Variants in AARD observed in about 807,000 individuals in gnomAD.
AARD encodes alanine- and arginine-rich domain-containing protein.
In AARD, 9 loss-of-function variants were observed where a neutral mutation model predicts 9.3. The ratio of observed to expected loss-of-function variants is 0.97; its 90% CI spans 0.58 to 1.69. The LOEUF (loss-of-function observed/expected upper bound fraction) is 1.69, where lower values mean the gene tolerates loss of function less well. AARD is among the 40% of genes most tolerant of loss of function. The pLI is 0.00. For missense variants in AARD, 236 were observed against 210.3 expected (o/e 1.12, Z -0.76); for synonymous variants, 91 against 93.8 (o/e 0.97, Z 0.17).
intron 1 of AARD, among the ~76,000 whole-genome samples, chr8:116,942,345 T>C (rs1813753819): frequency 6.6e-6 from 1 of 152,228 alleles, no homozygotes; most frequent in Non-Finnish European, 1.5e-5. Context: ...TCAAAAACTA[T>C]TTATATATCT....
rs756615368 is a variant in AARD at position 116,939,113 on chromosome 8, TA to T, written c.324+548del. 3.7e-4 allele frequency among the ~76,000 whole-genome samples: 56 copies of T among 152,314 alleles called. 1 individual carries two copies. The highest frequency in any genetic ancestry group is 2.0e-3 in the Admixed American group (30 of 15,298). ...AATATTTTAGCTGACTGATTTTTTTTAATTCAAAAAACTGGAAATTAGTCAC... is the reference window on the plus strand; with the variant it reads ...AATATTTTAGCTGACTGATTTTTTTTATTCAAAAAACTGGAAATTAGTCAC... On this transcript the variant is annotated intron_variant, in intron 1 of 1. Coordinates refer to ENST00000378279, the MANE Select transcript of AARD (RefSeq NM_001025357.3).
At chr8:116,938,877 A>G (rs939887434) in intron 1 of AARD, among the ~76,000 whole-genome samples, 1 of 152,098 alleles carries the variant, frequency 6.6e-6, no homozygotes. Flanking sequence ...TGGCTCGCGG[A>G]GGAGGAAATT....
chr8:116,942,255 A>G (rs1463548284), intron 1 of AARD, among the ~76,000 whole-genome samples: 1 of 152,212 alleles, frequency 6.6e-6, no homozygotes, highest in Non-Finnish European at 1.5e-5. Flanking sequence ...CTATTCCTTG[A>G]AAACAGCCTT....
rs368849597 is a variant in AARD at position 116,942,672 on chromosome 8, C to G, written c.439C>G (p.Pro147Ala). 6.2e-7 allele frequency: 1 copy of G among 1,613,762 alleles called. No homozygotes were observed. Among genetic ancestry groups the G allele is most frequent in the Non-Finnish European group, 8.5e-7 (1 of 1,179,902 alleles). ...ELEITSDSQS[P>A]KDDAANPE is the part of the protein sequence containing the mutation. ...GGAAATTACATCAGACTCCCAAAGC[C>G]CAAAAGATGATGCTGCGAATCCGGA... is the stretch of plus-strand genomic sequence containing the variant. The change falls in exon 2 of 2, where the codon CCA becomes GCA. Residue 147 changes from proline to alanine, a missense_variant. Transcript: ENST00000378279.
At position 116,944,099 on chromosome 8, in the gene AARD, G is replaced by C. The variant is rs1039821706; in HGVS notation, c.*1398G>C. The C allele has an allele frequency of 6.6e-6, 1 of 152,156 alleles. No homozygotes were observed. Among genetic ancestry groups the C allele is most frequent in the Non-Finnish European group, 1.5e-5 (1 of 68,026 alleles). 9.4% of individuals were successfully genotyped at this position (152,156 alleles called of 1,614,324 possible). ...TAAACTATAAAAATCAGTTCTTGAA[G>C]ACAAAGGAGAACAGAAGAGACACAG... On this transcript the variant is annotated 3_prime_UTR_variant, in exon 2 of 2. Transcript: ENST00000378279.
In AARD at chr8:116,938,442, T is replaced by C; in HGVS notation, c.199T>C (p.Phe67Leu). ...CCTCAGACGACGGCTGACGCGCGCC[T>C]TCCAGTGGGCGGTGCAGCGCGCGAT... ...EDLRRRLTRA[F>L]QWAVQRAISR... Residue 67 changes from phenylalanine (F) to leucine (L), a missense_variant, in exon 1 of 2, where the codon TTC (phenylalanine) becomes CTC (leucine). Phe to Leu is a conservative substitution (Grantham distance 22). Coordinates refer to ENST00000378279, the MANE Select transcript of AARD (RefSeq NM_001025357.3). The C allele has an allele frequency of 6.2e-7, 1 of 1,607,594 alleles. No individual in the cohort carries two copies. Among genetic ancestry groups the C allele is most frequent in the Non-Finnish European group, 8.5e-7 (1 of 1,177,778 alleles).
intron 1 of AARD, among the ~76,000 whole-genome samples, chr8:116,939,352 G>T (rs944234020): frequency 1.3e-5 from 2 of 152,158 alleles, no homozygotes; most frequent in African/African-American, 4.8e-5. Flanking sequence ...ACAGTATTAG[G>T]CCGGAGCTGT....
In AARD at chr8:116,938,485, A is replaced by AGGAGGCGGCGGCGGCGGCGGCGGC. The variant is rs777722026; in HGVS notation, c.244_245insAGGCGGCGGCGGCGGCGGCGGCGG (p.Glu81_Ala82insGluAlaAlaAlaAlaAlaAlaAla). On this transcript the variant is annotated inframe_insertion, in exon 1 of 2. Transcript: ENST00000378279. ...CGCGCGATCTCGAGGCGCGTGCAGG[A>AGGAGGCGGCGGCGGCGGCGGCGGC]GGCGGCGGCGGCGGCGGCGGCGCGG... 199 of 1,558,972 alleles carry AGGAGGCGGCGGCGGCGGCGGCGGC rather than the reference A, an allele frequency of 1.3e-4. No individual in the cohort carries two copies. The African/African-American group carries it at 2.5e-3, about 20-fold the overall frequency.
rs1426836919 is a variant in AARD, at chr8:116,942,582, C to G, written c.349C>G (p.Gln117Glu). 1.2e-6 allele frequency: 2 copies of G among 1,612,338 alleles called. No individual in the cohort carries two copies. The highest frequency in any genetic ancestry group is 1.7e-6 in the Non-Finnish European group (2 of 1,179,048). ...ELVEMHFQNH[Q>E]LARTLLDLNM... ...GGTGGAAATGCATTTCCAAAACCAC[C>G]AGCTGGCTAGAACTTTACTGGACCT... Residue 117 changes from glutamine to glutamate, a missense_variant, in exon 2 of 2, where the codon CAG (glutamine) becomes GAG (glutamate). Transcript: ENST00000378279.
chr8:116,942,247 A>G (rs1005977805), intron 1 of AARD, among the ~76,000 whole-genome samples: 4 of 152,200 alleles, frequency 2.6e-5, no homozygotes, highest in African/African-American at 9.7e-5. Context: ...ATCACATGCT[A>G]TTCCTTGAAA....
At position 116,943,463 on chromosome 8, in the gene AARD, CT is replaced by C. The variant is rs1813770341; in HGVS notation, c.*765del. On this transcript the variant is annotated 3_prime_UTR_variant, in exon 2 of 2. Transcript: ENST00000378279. ...TTTCTACTTGGATTCTAACCATGCC[CT>C]TTAGGTGGTCTGTGACTAAGGGTAT... 6.6e-6 allele frequency: 1 copy of C among 152,314 alleles called. No homozygotes were observed. Among genetic ancestry groups the C allele is most frequent in the East Asian group, 1.9e-4 (1 of 5,182 alleles). 9.4% of individuals were successfully genotyped at this position (152,314 alleles called of 1,614,324 possible).
chr8:116,939,813 G>A (rs1813724142), intron 1 of AARD, among the ~76,000 whole-genome samples: 1 of 152,172 alleles, frequency 6.6e-6, no homozygotes, highest in Non-Finnish European at 1.5e-5. Context: ...ACCTCATTCG[G>A]CCACTGGAGG....
At chr8:116,942,244 G>A (rs1395914538) in intron 1 of AARD, among the ~76,000 whole-genome samples, 1 of 152,166 alleles carries the variant, frequency 6.6e-6, no homozygotes, top group Non-Finnish European at 1.5e-5. Context: ...TGGATCACAT[G>A]CTATTCCTTG....
rs777740920 is a variant in AARD, at chr8:116,938,498, G to A, written c.255G>A (p.Ala85=). The A allele has an allele frequency of 2.9e-5, 45 of 1,538,158 alleles. No individual in the cohort carries two copies. The highest frequency in any genetic ancestry group is 2.8e-4 in the Admixed American group (14 of 49,532). Residue 85 remains alanine, a synonymous_variant, in exon 1 of 2, where the codon GCG becomes GCA. Coordinates refer to ENST00000378279, the MANE Select transcript of AARD (RefSeq NM_001025357.3). ...ISRRVQEAAA[A]AAAREEQSWT... is the part of the protein sequence containing the mutation. ...GGCGCGTGCAGGAGGCGGCGGCGGC[G>A]GCGGCGGCGCGGGAGGAGCAGAGCT...
Position 116,938,227 on chromosome 8 carries a change from G to A in AARD, c.-17G>A, listed in dbSNP as rs777317608. ...CTTTCAGCAGCAGCGGTAGAGCAGT[G>A]ACCAGGCGTCTCCGCGATGGGCCCC... is the stretch of plus-strand genomic sequence containing the variant. On this transcript the variant is annotated 5_prime_UTR_variant, in exon 1 of 2. Coordinates refer to ENST00000378279, the MANE Select transcript of AARD (RefSeq NM_001025357.3). 5.7e-6 allele frequency: 9 copies of A among 1,575,876 alleles called. No homozygotes were observed. Among genetic ancestry groups the A allele is most frequent in the Non-Finnish European group, 8.6e-7 (1 of 1,160,246 alleles).
chr8:116,939,589 G>A (rs1220516412), intron 1 of AARD, among the ~76,000 whole-genome samples: 4 of 152,168 alleles, frequency 2.6e-5, no homozygotes, highest in Non-Finnish European at 4.4e-5. Flanking sequence ...CTGAGATTGC[G>A]CCATTGCACT....
At chr8:116,942,519 C>T in intron 1 of AARD, 39 bp from the exon 2 acceptor site, 1 of 1,546,920 alleles carries the variant, frequency 6.5e-7, no homozygotes, top group Non-Finnish European at 8.8e-7. Context: ...TGATCTGCAT[C>T]TCAGGCTAAT....
chr8:116,941,059 C>T (rs764325065), intron 1 of AARD, among the ~76,000 whole-genome samples: 2 of 152,132 alleles, frequency 1.3e-5, no homozygotes, highest in Admixed American at 6.5e-5. Context: ...TTAATTCACT[C>T]ACTCTTATAA....
chr8:116,939,503 G>C (rs1315533007), intron 1 of AARD, among the ~76,000 whole-genome samples: 3 of 152,124 alleles, frequency 2.0e-5, no homozygotes, highest in Non-Finnish European at 4.4e-5. Flanking sequence ...ATGGTGGCTG[G>C]CACCTGTAAT....
Sources: gnomAD v4.1 joint callset for allele counts (sites outside exome capture counted in the v4.1 genomes callset) on GRCh38, gnomAD v4.1.1 for gene constraint, MANE v1.5 for transcripts, NCBI Gene and HGNC (gene_info 2026-07-23, HGNC 2026-07-21) for gene names.